The following CSMD1 variants were observed in gnomAD, a reference collection of about 807,000 sequenced individuals.
The protein encoded by CSMD1 is CUB and sushi domain-containing protein 1.
In CSMD1, 213 loss-of-function variants were observed where a neutral mutation model predicts 417.5. The observed-to-expected ratio is 0.51, with a 90% CI of 0.46 to 0.57. The LOEUF is 0.57. Among genes scored for constraint, CSMD1 ranks in the 20% least tolerant of loss-of-function variants. The pLI is 0.00. For synonymous variants in CSMD1, 2,862 were observed against 1,736.8 expected (o/e 1.65, Z -16.11); for missense variants, 6,923 against 4,529.7 (o/e 1.53, Z -15.17).
At chr8:3,291,676 C>A (rs970057548) in intron 25 of CSMD1, among the ~76,000 whole-genome samples, 1 of 151,936 alleles carries the variant, frequency 6.6e-6, no homozygotes, top group Non-Finnish European at 1.5e-5. Flanking sequence ...GGTGATATTA[C>A]CTTTATCATT....
chr8:4,782,257 T>C (rs180715406), intron 1 of CSMD1, among the ~76,000 whole-genome samples: 1 of 152,308 alleles, frequency 6.6e-6, no homozygotes, highest in Non-Finnish European at 1.5e-5. Flanking sequence ...GGGTTTTCAA[T>C]ATCCTTACCA....
At chr8:4,583,750 G>A (rs1366373909) in intron 2 of CSMD1, among the ~76,000 whole-genome samples, 1 of 152,082 alleles carries the variant, frequency 6.6e-6, no homozygotes, top group Non-Finnish European at 1.5e-5. Context: ...CAGACCACTG[G>A]GCTCTATCAA....
chr8:4,962,501 G>C (rs1045344747), intron 1 of CSMD1, among the ~76,000 whole-genome samples: 1 of 152,104 alleles, frequency 6.6e-6, no homozygotes, highest in South Asian at 2.1e-4. Context: ...ATGTCCCATC[G>C]TGCCCAGCCT....
chr8:4,219,064 C>T (rs757596815), intron 3 of CSMD1, among the ~76,000 whole-genome samples: 2 of 152,026 alleles, frequency 1.3e-5, no homozygotes, highest in Admixed American at 6.6e-5. Flanking sequence ...AGAGGTACAC[C>T]GTCTACTCTA....
At chr8:4,940,777 G>A (rs1306196487) in intron 1 of CSMD1, among the ~76,000 whole-genome samples, 1 of 152,052 alleles carries the variant, frequency 6.6e-6, no homozygotes, top group East Asian at 1.9e-4. Flanking sequence ...AGAAAATGAG[G>A]GGGCAAAAAA....
chr8:4,877,819 G>A (rs1171673797), intron 1 of CSMD1, among the ~76,000 whole-genome samples: 3 of 151,940 alleles, frequency 2.0e-5, no homozygotes, highest in Non-Finnish European at 4.4e-5. Flanking sequence ...TCACTAACAG[G>A]CCCGTCTTCT....
At chr8:4,452,989 C>G (rs890602079) in intron 2 of CSMD1, among the ~76,000 whole-genome samples, 4 of 152,148 alleles carry the variant, frequency 2.6e-5, no homozygotes, top group African/African-American at 9.7e-5. Context: ...GTTGCAGAGA[C>G]TGTTTCCCAC....
intron 26 of CSMD1, among the ~76,000 whole-genome samples, chr8:3,230,625 A>G (rs1346867684): frequency 6.6e-6 from 1 of 152,210 alleles, no homozygotes; most frequent in African/African-American, 2.4e-5. Context: ...CAAGGAAAAC[A>G]AAATAGGAAG....
intron 5 of CSMD1, among the ~76,000 whole-genome samples, chr8:3,879,385 C>G (rs905789084): frequency 6.6e-6 from 1 of 152,212 alleles, no homozygotes; most frequent in Middle Eastern, 3.4e-3. Flanking sequence ...ATAAAGTATT[C>G]ATACACTGTA....
At chr8:4,288,374 GCTAT>G (rs761131090) in intron 3 of CSMD1, among the ~76,000 whole-genome samples, 6 of 152,136 alleles carry the variant, frequency 3.9e-5, no homozygotes, top group Non-Finnish European at 5.9e-5. Flanking sequence ...TTCCAGAGAG[GCTAT>G]CTTACAAGAA....
chr8:3,362,228 G>A (rs959550241), intron 20 of CSMD1, among the ~76,000 whole-genome samples: 2 of 152,070 alleles, frequency 1.3e-5, no homozygotes, highest in African/African-American at 4.8e-5. Context: ...CCCTACTCTG[G>A]TTATCATTAG....
At chr8:4,672,920 G>A (rs1048787699) in intron 1 of CSMD1, among the ~76,000 whole-genome samples, 1 of 151,850 alleles carries the variant, frequency 6.6e-6, no homozygotes, top group Non-Finnish European at 1.5e-5. Context: ...TCACAAACAT[G>A]GCGACATACA....
chr8:3,675,467 C>A lies in CSMD1; in HGVS notation c.1009+32947G>T, dbSNP rs561599574. Among the ~76,000 whole-genome samples, 62 of 152,250 alleles carry A rather than the reference C, an allele frequency of 4.1e-4. 1 individual carries two copies. The highest frequency in any genetic ancestry group is 1.4e-3 in the African/African-American group (60 of 41,540). On this transcript the variant is annotated intron_variant, in intron 7 of 69. Coordinates refer to ENST00000635120, the MANE Select transcript of CSMD1 (RefSeq NM_033225.6). ...CCAAAAATCCAAGAGAAGGTGATTG[C>A]AATGGACTGAATATTTGTGTCCCAC...
At chr8:4,856,440 T>A (rs2116855148) in intron 1 of CSMD1, among the ~76,000 whole-genome samples, 1 of 141,684 alleles carries the variant, frequency 7.1e-6, no homozygotes, top group East Asian at 2.1e-4. Flanking sequence ...GTCAATGGAC[T>A]AAATGCTCCA....
intron 1 of CSMD1, among the ~76,000 whole-genome samples, chr8:4,844,895 T>C (rs962502818): frequency 3.3e-5 from 5 of 152,140 alleles, no homozygotes; most frequent in Non-Finnish European, 7.4e-5. Context: ...CCCCACAGTA[T>C]ACAAGAGTAT....
intron 1 of CSMD1, among the ~76,000 whole-genome samples, chr8:4,802,747 A>C (rs921680477): frequency 6.6e-6 from 1 of 152,210 alleles, no homozygotes; most frequent in African/African-American, 2.4e-5. Context: ...ATATGTCAAC[A>C]ATCATTTATT....
chr8:4,219,044 G>A (rs994317959), intron 3 of CSMD1, among the ~76,000 whole-genome samples: 2 of 151,982 alleles, frequency 1.3e-5, no homozygotes, highest in Non-Finnish European at 2.9e-5. Context: ...CACTAAAATG[G>A]TCATACGTTA....
chr8:4,053,166 T>A (rs73658562), intron 3 of CSMD1, among the ~76,000 whole-genome samples: 3,970 of 152,240 alleles, frequency 0.026, 184 homozygotes, highest in African/African-American at 0.09. Flanking sequence ...AAATCTGAAC[T>A]ACAGGTGCAA....
At position 4,153,207 on chromosome 8, in the gene CSMD1, C is replaced by A. The variant is rs181249563; in HGVS notation, c.416-121108G>T. Among the ~76,000 whole-genome samples, 274 of 152,320 alleles carry A rather than the reference C, an allele frequency of 1.8e-3. 7 individuals are homozygous for A. Among genetic ancestry groups the A allele is most frequent in the Non-Finnish European group, 5.1e-4 (35 of 68,028 alleles). Reference sequence around the variant, plus strand: ...AGCCCAGTTCCTGCTTTGCCGCTAACTCAGCAACTCACCCAAGGGGAGCTG... The same window carrying A: ...AGCCCAGTTCCTGCTTTGCCGCTAAATCAGCAACTCACCCAAGGGGAGCTG... On this transcript the variant is annotated intron_variant, in intron 3 of 69. Coordinates refer to ENST00000635120, the MANE Select transcript of CSMD1 (RefSeq NM_033225.6).
Sources: gnomAD v4.1 joint callset for allele counts (sites outside exome capture counted in the v4.1 genomes callset) on GRCh38, gnomAD v4.1.1 for gene constraint, MANE v1.5 for transcripts, NCBI Gene and HGNC (gene_info 2026-07-23, HGNC 2026-07-21) for gene names.